PRKCA: variants seen among roughly 807,000 people sequenced by gnomAD.
PRKCA encodes the protein protein kinase C alpha.
In PRKCA, 27 loss-of-function variants were observed where a neutral mutation model predicts 87.0. That is an observed-to-expected ratio of 0.31 (90% CI 0.23 to 0.43). The LOEUF is 0.43. Among genes scored for constraint, PRKCA ranks in the 20% least tolerant of loss-of-function variants. The pLI is 1.00. For synonymous variants in PRKCA, 329 were observed against 311.1 expected (o/e 1.06, Z -0.61); for missense variants, 518 against 852.3 (o/e 0.61, Z 4.88).
At chr17:66,720,132 G>A (rs984877485) in intron 8 of PRKCA, among the ~76,000 whole-genome samples, 1 of 152,238 alleles carries the variant, frequency 6.6e-6, no homozygotes, top group Non-Finnish European at 1.5e-5. Context: ...AAGAGAGGGA[G>A]GGAGTATGCA....
intron 2 of PRKCA, among the ~76,000 whole-genome samples, chr17:66,318,473 A>T (rs1339970203): frequency 6.6e-6 from 1 of 151,584 alleles, no homozygotes; most frequent in African/African-American, 2.4e-5. Context: ...AGCTGGATTG[A>T]TGTCTGTGTG....
At chr17:66,798,436 G>A (rs973100524) in intron 16 of PRKCA, among the ~76,000 whole-genome samples, 2 of 57,500 alleles carry the variant, frequency 3.5e-5, no homozygotes, top group Non-Finnish European at 6.4e-5. Flanking sequence ...TGGTGGTGAC[G>A]GTGGTGGTGG....
intron 2 of PRKCA, among the ~76,000 whole-genome samples, chr17:66,479,234 T>C (rs893968944): frequency 1.3e-5 from 2 of 152,074 alleles, no homozygotes; most frequent in African/African-American, 2.4e-5. Flanking sequence ...AAAGAAGATA[T>C]ACATACAACC....
chr17:66,401,200 T>C (rs1911003261), intron 2 of PRKCA, among the ~76,000 whole-genome samples: 1 of 152,124 alleles, frequency 6.6e-6, no homozygotes, highest in African/African-American at 2.4e-5. Flanking sequence ...TGGGTTGCCA[T>C]AGGAGCGCAG....
At chr17:66,353,645 G>C (rs1321434339) in intron 2 of PRKCA, among the ~76,000 whole-genome samples, 5 of 152,214 alleles carry the variant, frequency 3.3e-5, no homozygotes, top group African/African-American at 1.2e-4. Flanking sequence ...GAACCCGGGA[G>C]GCGGAGGTTG....
chr17:66,661,981 G>A (rs966848119), intron 5 of PRKCA, among the ~76,000 whole-genome samples: 2 of 152,190 alleles, frequency 1.3e-5, no homozygotes, highest in African/African-American at 2.4e-5. Flanking sequence ...TTTCTTTCAC[G>A]AGGAATTCCT....
intron 8 of PRKCA, among the ~76,000 whole-genome samples, chr17:66,711,679 G>T (rs1195387572): frequency 6.6e-6 from 1 of 152,122 alleles, no homozygotes; most frequent in East Asian, 1.9e-4. Context: ...GATCAAACTG[G>T]AAAATTTAAA....
intron 3 of PRKCA, among the ~76,000 whole-genome samples, chr17:66,625,809 G>A (rs16959767): frequency 0.029 from 4,399 of 152,230 alleles, 192 homozygotes; most frequent in African/African-American, 0.098. Flanking sequence ...CATGGGTTGA[G>A]GTCCCGATTT....
intron 3 of PRKCA, among the ~76,000 whole-genome samples, chr17:66,510,277 G>A (rs765348382): frequency 6.6e-6 from 1 of 152,080 alleles, no homozygotes; most frequent in African/African-American, 2.4e-5. Flanking sequence ...TTTTGTTTTC[G>A]GGGGGAAAAG....
chr17:66,357,955 G>A (rs1281214476), intron 2 of PRKCA, among the ~76,000 whole-genome samples: 1 of 152,106 alleles, frequency 6.6e-6, no homozygotes, highest in Non-Finnish European at 1.5e-5. Flanking sequence ...GAACTTGGAA[G>A]CAGAGAAAAG....
chr17:66,400,525 A>G (rs1284221685), intron 2 of PRKCA, among the ~76,000 whole-genome samples: 1 of 152,204 alleles, frequency 6.6e-6, no homozygotes, highest in Non-Finnish European at 1.5e-5. Context: ...TGCCTATCAA[A>G]CAACAACTCT....
intron 5 of PRKCA, among the ~76,000 whole-genome samples, chr17:66,663,512 G>A (rs1007699170): frequency 1.3e-5 from 2 of 152,200 alleles, no homozygotes; most frequent in Admixed American, 6.5e-5. Flanking sequence ...GGGGCCATCC[G>A]CTGCCCTCGC....
chr17:66,518,632 G>A (rs1452337876), intron 3 of PRKCA, among the ~76,000 whole-genome samples: 2 of 152,052 alleles, frequency 1.3e-5, no homozygotes, highest in African/African-American at 2.4e-5. Context: ...ACAGATGGAT[G>A]GTATTTATAG....
chr17:66,368,459 C>T (rs1381610886), intron 2 of PRKCA, among the ~76,000 whole-genome samples: 3 of 131,464 alleles, frequency 2.3e-5, no homozygotes, highest in Non-Finnish European at 4.6e-5. Flanking sequence ...GGTGCGATCT[C>T]GACTCAAGGC....
intron 13 of PRKCA, among the ~76,000 whole-genome samples, chr17:66,758,097 A>T (rs992537778): frequency 6.6e-5 from 10 of 152,248 alleles, no homozygotes; most frequent in Non-Finnish European, 1.3e-4. Context: ...AAGGAAGGGC[A>T]GGCTTTGCAG....
intron 13 of PRKCA, among the ~76,000 whole-genome samples, chr17:66,747,917 CG>C (rs1568011055): frequency 2.0e-5 from 3 of 152,150 alleles, no homozygotes; most frequent in African/African-American, 4.8e-5. Flanking sequence ...TGTTCCAGGC[CG>C]GGGGGTGCCG....
At chr17:66,303,446 G>A (rs1040626638) in intron 1 of PRKCA, among the ~76,000 whole-genome samples, 4 of 152,114 alleles carry the variant, frequency 2.6e-5, no homozygotes, top group Non-Finnish European at 4.4e-5. Flanking sequence ...GGGAGCGGCG[G>A]CGATTGCACT....
At chr17:66,305,713 G>C (rs1904779508) in intron 1 of PRKCA, among the ~76,000 whole-genome samples, 1 of 152,150 alleles carries the variant, frequency 6.6e-6, no homozygotes, top group South Asian at 2.1e-4. Context: ...TTGGTCTTCA[G>C]GAACAAAATA....
chr17:66,707,393 T>C (rs1339983734), intron 8 of PRKCA, among the ~76,000 whole-genome samples: 1 of 152,154 alleles, frequency 6.6e-6, no homozygotes, highest in Non-Finnish European at 1.5e-5. Context: ...GAGTCCACCC[T>C]TCACCTGCAC....
Sources: gnomAD v4.1 joint callset for allele counts (sites outside exome capture counted in the v4.1 genomes callset) on GRCh38, gnomAD v4.1.1 for gene constraint, MANE v1.5 for transcripts, NCBI Gene and HGNC (gene_info 2026-07-23, HGNC 2026-07-21) for gene names.